The following PCDH10 variants were observed in gnomAD, a reference collection of about 807,000 sequenced individuals.
PCDH10 encodes protocadherin 10.
In PCDH10, 15 loss-of-function variants were observed where a neutral mutation model predicts 74.4. That is an observed-to-expected ratio of 0.20 (90% confidence interval 0.13 to 0.31). The LOEUF is 0.31. Ranked by LOEUF, PCDH10 falls within the 10% of genes least tolerant of loss-of-function variation. PCDH10 has a pLI of 1.00. For missense variants in PCDH10, 1,260 were observed against 1,390.2 expected, an observed-to-expected ratio of 0.91 and a Z score of 1.49; for synonymous variants, 619 against 589.8, an observed-to-expected ratio of 1.05 and a Z score of -0.72.
intron 3 of PCDH10, among the ~76,000 whole-genome samples, chr4:133,161,184 A>T (rs1726962157): frequency 6.6e-6 from 1 of 152,160 alleles, no homozygotes; most frequent in Admixed American, 6.5e-5. Flanking sequence ...CAGTTCACTG[A>T]TCAGTAATTT....
At chr4:133,173,408 G>C (rs1377766814) in intron 4 of PCDH10, among the ~76,000 whole-genome samples, 1 of 151,952 alleles carries the variant, frequency 6.6e-6, no homozygotes, top group Non-Finnish European at 1.5e-5. Flanking sequence ...CCACATTACA[G>C]GAAATATCCT....
At chr4:133,175,111 A>T (rs1727267661) in intron 4 of PCDH10, among the ~76,000 whole-genome samples, 1 of 152,024 alleles carries the variant, frequency 6.6e-6, no homozygotes, top group South Asian at 2.1e-4. Context: ...TCAAGGAAAC[A>T]TCTAAAGTAG....
At position 133,152,174 on chromosome 4, in the gene PCDH10, G is replaced by A. The variant is rs889282884; in HGVS notation, c.2034G>A (p.Leu678=). The change falls in exon 1 of 5, where the codon CTG becomes CTA. Residue 678 remains leucine, a synonymous_variant. Coordinates refer to ENST00000264360, the MANE Select transcript of PCDH10 (RefSeq NM_032961.3). ...LSSTATLVVQ[L]VDGAVEPQGG... ...CCACCGCCACCCTGGTGGTTCAGCTGGTGGATGGCGCCGTGGAGCCCCAGG... is the reference window on the plus strand; with the variant it reads ...CCACCGCCACCCTGGTGGTTCAGCTAGTGGATGGCGCCGTGGAGCCCCAGG... 3.8e-6 allele frequency: 6 copies of A among 1,569,906 alleles called. No homozygotes were observed. In the African/African-American group the frequency reaches 6.8e-5, roughly 18 times the overall value.
rs1727661129 is a variant in PCDH10 at position 133,191,206 on chromosome 4, A to T, written c.*1046A>T. 1 of 152,374 alleles carries T rather than the reference A, an allele frequency of 6.6e-6. No individual in the cohort carries two copies. Among genetic ancestry groups the T allele is most frequent in the African/African-American group, 2.4e-5 (1 of 41,442 alleles). 9.4% of individuals were successfully genotyped at this position (152,374 alleles called of 1,614,324 possible). ...GGTGTCTGTACATTTTGTGGTGTAA[A>T]ATATGTAATTGAAGATTACTATTTT... On this transcript the variant is annotated 3_prime_UTR_variant, in exon 5 of 5. Coordinates refer to ENST00000264360, the MANE Select transcript of PCDH10 (RefSeq NM_032961.3).
At chr4:133,188,954 C>T (rs910398678) in intron 4 of PCDH10, among the ~76,000 whole-genome samples, 8 of 151,780 alleles carry the variant, frequency 5.3e-5, no homozygotes, top group Non-Finnish European at 8.8e-5. Flanking sequence ...GGATTACAGA[C>T]GAGAGCCACC....
intron 4 of PCDH10, among the ~76,000 whole-genome samples, chr4:133,166,157 A>G (rs948256761): frequency 9.9e-5 from 15 of 151,620 alleles, no homozygotes; most frequent in African/African-American, 1.9e-4. Flanking sequence ...ATATGGAGCA[A>G]AGGGATACAC....
chr4:133,198,237 A>G (rs1163545936), downstream of PCDH10, among the ~76,000 whole-genome samples: 1 of 152,094 alleles, frequency 6.6e-6, no homozygotes, highest in Non-Finnish European at 1.5e-5. Context: ...TATTTATGAC[A>G]GGGCTACAAA....
In PCDH10 at chr4:133,190,774, T is replaced by G. The variant is rs1395847931; in HGVS notation, c.*614T>G. The G allele has an allele frequency of 6.7e-6, 1 of 150,348 alleles. No individual in the cohort carries two copies. The highest frequency in any genetic ancestry group is 1.5e-5 in the Non-Finnish European group (1 of 67,544). The allele number at this position is 150,348 out of a possible 1,614,324, so 9.3% of individuals were successfully genotyped here. The stretch of plus-strand genomic sequence containing the variant: ...TATAAAATATATATATTATATTATA[T>G]AATTTTCCTAAAATGTGGTACAACT... On this transcript the variant is annotated 3_prime_UTR_variant, in exon 5 of 5. Transcript: ENST00000264360.
At chr4:133,159,284 T>C (rs1726919269) in intron 3 of PCDH10, among the ~76,000 whole-genome samples, 1 of 152,082 alleles carries the variant, frequency 6.6e-6, no homozygotes, top group Admixed American at 6.6e-5. Context: ...CCACTGCCTG[T>C]GAGTGTACAG....
chr4:133,172,838 A>G (rs565065734), intron 4 of PCDH10, among the ~76,000 whole-genome samples: 8 of 152,042 alleles, frequency 5.3e-5, no homozygotes, highest in African/African-American at 1.9e-4. Context: ...CCAAAGTCCC[A>G]TTGCCTCCTA....
In PCDH10 at chr4:133,155,629, C is replaced by T. The variant is rs190573082; in HGVS notation, c.2797+606C>T. Among the ~76,000 whole-genome samples, 87 of 152,166 alleles carry T rather than the reference C, an allele frequency of 5.7e-4. 1 individual carries two copies. The highest frequency in any genetic ancestry group is 2.1e-3 in the African/African-American group (87 of 41,512). ...TGATAATGTGTATTTTTTGAAGTGTCCTTGGTTTCTTCATATTTTCAACAG... is the reference window on the plus strand; with the variant it reads ...TGATAATGTGTATTTTTTGAAGTGTTCTTGGTTTCTTCATATTTTCAACAG... On this transcript the variant is annotated intron_variant, in intron 3 of 4. Transcript: ENST00000264360.
rs1294006166 is a variant in PCDH10, at chr4:133,190,185, G to A, written c.*25G>A. The A allele has an allele frequency of 1.9e-6, 3 of 1,607,184 alleles. No homozygotes were observed. Among genetic ancestry groups the A allele is most frequent in the South Asian group, 1.1e-5 (1 of 90,958 alleles). On this transcript the variant is annotated 3_prime_UTR_variant, in exon 5 of 5. Transcript: ENST00000264360. ...GTCAATTCTACAGGACTTACCTGAA[G>A]CAGCATGATTTGCACAAAGTCGACC...
At chr4:133,201,421 G>A (rs1727907616) in intron 2 of PCDH10, among the ~76,000 whole-genome samples, 3 of 152,202 alleles carry the variant, frequency 2.0e-5, no homozygotes, top group South Asian at 2.1e-4. Context: ...CAGCCTGGGG[G>A]AAGGCCCTGC....
chr4:133,197,010 T>G (rs1727808443), downstream of PCDH10, among the ~76,000 whole-genome samples: 1 of 152,168 alleles, frequency 6.6e-6, no homozygotes. Context: ...AACCTCAAGA[T>G]GAAAGTAGAC....
intron 3 of PCDH10, among the ~76,000 whole-genome samples, chr4:133,161,351 AT>A (rs1391788256): frequency 1.3e-5 from 2 of 152,124 alleles, no homozygotes; most frequent in Non-Finnish European, 2.9e-5. Context: ...AATTTATGTA[AT>A]TTGCTATTCT....
intron 4 of PCDH10, among the ~76,000 whole-genome samples, chr4:133,168,877 A>T (rs931835894): frequency 6.6e-6 from 1 of 151,564 alleles, no homozygotes; most frequent in African/African-American, 2.4e-5. Flanking sequence ...TCTAATTTTT[A>T]AAAAATGTTT....
intron 1 of PCDH10, 115 bp downstream of exon 1, chr4:133,152,886 T>C (rs1726771620): frequency 2.0e-5 from 30 of 1,488,664 alleles, no homozygotes; most frequent in Non-Finnish European, 2.6e-5. Context: ...TTAGCTTATG[T>C]GTATCGTTGT....
chr4:133,178,591 ATAACT>A (rs1434901380), intron 4 of PCDH10, among the ~76,000 whole-genome samples: 1 of 151,748 alleles, frequency 6.6e-6, no homozygotes, highest in African/African-American at 2.4e-5. Flanking sequence ...AGGAAAGATG[ATAACT>A]TAAAATACTG....
chr4:133,205,707 A>G (rs1727986068), intron 2 of PCDH10, among the ~76,000 whole-genome samples: 1 of 152,018 alleles, frequency 6.6e-6, no homozygotes, highest in African/African-American at 2.4e-5. Flanking sequence ...TATTTTAAAA[A>G]TATACTTTCT....
Sources: gnomAD v4.1 joint callset for allele counts (sites outside exome capture counted in the v4.1 genomes callset) on GRCh38, gnomAD v4.1.1 for gene constraint, MANE v1.5 for transcripts, NCBI Gene and HGNC (gene_info 2026-07-23, HGNC 2026-07-21) for gene names.